Variants in SNN observed in about 807,000 individuals in gnomAD.
SNN encodes the protein AG8_1.
A neutral mutation model predicts 5.3 loss-of-function variants in SNN; 5 were observed. The observed-to-expected ratio is 0.94, with a 90% confidence interval of 0.49 to 1.97. SNN has a LOEUF of 1.97. SNN is among the 30% of genes most tolerant of loss of function. The pLI, the probability that SNN is intolerant of heterozygous loss-of-function variation, is 0.01. For missense variants in SNN, 127 were observed against 121.6 expected, an observed-to-expected ratio of 1.04 and a Z score of -0.21; for synonymous variants, 67 against 52.1, an observed-to-expected ratio of 1.29 and a Z score of -1.24.
In SNN at chr16:11,678,033, G is replaced by C. The variant is rs2050321858; in HGVS notation, c.*1707G>C. 6.0e-6 allele frequency: 1 copy of C among 167,232 alleles called. No homozygotes were observed. Among genetic ancestry groups the C allele is most frequent in the African/African-American group, 2.4e-5 (1 of 41,462 alleles). 10.4% of individuals were successfully genotyped at this position (167,232 alleles called of 1,614,324 possible). On this transcript the variant is annotated 3_prime_UTR_variant, in exon 2 of 2. Transcript: ENST00000329565. ...GACAGCCGGCTGGGCCACCTGAGCA[G>C]AAGGTGGTAATGAAACACCTCAGCT...
intron 1 of SNN, among the ~76,000 whole-genome samples, chr16:11,669,641 T>C (rs1030032291): frequency 1.3e-5 from 2 of 152,196 alleles, no homozygotes; most frequent in Non-Finnish European, 2.9e-5. Flanking sequence ...GTCTGGCACA[T>C]ATAATTGCCA....
rs1264177017 is a variant in SNN at position 11,672,729 on chromosome 16, C to T, written c.-85-3246C>T. Among the ~76,000 whole-genome samples, 1 of 152,142 alleles carries T rather than the reference C, an allele frequency of 6.6e-6. No homozygotes were observed. The highest frequency in any genetic ancestry group is 1.5e-5 in the Non-Finnish European group (1 of 68,020). On this transcript the variant is annotated intron_variant, in intron 1 of 1. Transcript: ENST00000329565. The surrounding 1 kb of genome is among the most constrained non-coding windows in gnomAD (Gnocchi z 6.0). ...GCAGAACCCCACATCTGGCTCTGCC[C>T]ATGCCTCCTGGCCTGGGTTCAGGGC...
chr16:11,676,394 CG>C lies in SNN; in HGVS notation c.*70del. The stretch of plus-strand genomic sequence containing the variant: ...AGGCGCTGGGAGGGGCAAAACCATA[CG>C]GATGCGCTGCTGTCTGAGAGGAAGG... On this transcript the variant is annotated 3_prime_UTR_variant, in exon 2 of 2. Coordinates refer to ENST00000329565, the MANE Select transcript of SNN (RefSeq NM_003498.6). The C allele has an allele frequency of 6.6e-7, 1 of 1,516,414 alleles. No homozygotes were observed. 93.9% of individuals were successfully genotyped at this position (1,516,414 alleles called of 1,614,324 possible).
In SNN at chr16:11,668,878, C is replaced by T. The variant is rs1340618533; in HGVS notation, c.-86+338C>T. The stretch of plus-strand genomic sequence containing the variant: ...CAGCTACGCTCCCGCCTTCCCCCGG[C>T]ATTTCGGGGTTCTTCAAAATTCTGG... On this transcript the variant is annotated intron_variant, in intron 1 of 1. Coordinates refer to ENST00000329565, the MANE Select transcript of SNN (RefSeq NM_003498.6). The surrounding 1 kb of genome is among the most constrained non-coding windows in gnomAD (Gnocchi z 6.8). 2.0e-5 allele frequency among the ~76,000 whole-genome samples: 3 copies of T among 151,826 alleles called. No homozygotes were observed. The highest frequency in any genetic ancestry group is 4.4e-5 in the Non-Finnish European group (3 of 67,944).
rs569259136 is a variant in SNN, at chr16:11,672,084, C to G, written c.-86+3544C>G. On this transcript the variant is annotated intron_variant, in intron 1 of 1. Coordinates refer to ENST00000329565, the MANE Select transcript of SNN (RefSeq NM_003498.6). This position sits in a 1 kb window ranked among gnomAD's most constrained non-coding sequence, Gnocchi z 6.0. Reference sequence around the variant, plus strand: ...GTGCCCTGAGTGTCAGGGACCCCCCCACCTATGATCCCCCTGAGAACAGGG... The same window carrying G: ...GTGCCCTGAGTGTCAGGGACCCCCCGACCTATGATCCCCCTGAGAACAGGG... Among the ~76,000 whole-genome samples the G allele has an allele frequency of 6.6e-6, 1 of 151,932 alleles. No homozygotes were observed. The highest frequency in any genetic ancestry group is 1.5e-5 in the Non-Finnish European group (1 of 67,828).
Position 11,676,150 on chromosome 16 carries a change from G to C in SNN, c.91G>C (p.Gly31Arg). 6.2e-7 allele frequency: 1 copy of C among 1,614,192 alleles called. No individual in the cohort carries two copies. Among genetic ancestry groups the C allele is most frequent in the Non-Finnish European group, 8.5e-7 (1 of 1,180,038 alleles). Reference protein sequence around the residue: ...AIAALGALILGCWCYLRLQRI... With the variant: ...AIAALGALILRCWCYLRLQRI... ...CGCGGCCCTGGGGGCCTTGATCCTGGGCTGCTGGTGCTACCTGCGGCTGCA... is the reference window on the plus strand; with the variant it reads ...CGCGGCCCTGGGGGCCTTGATCCTGCGCTGCTGGTGCTACCTGCGGCTGCA... Residue 31 changes from glycine (G) to arginine (R), a missense_variant, in exon 2 of 2, where the codon GGC (glycine) becomes CGC (arginine). By Grantham distance (125) the Gly-to-Arg change is moderately radical (BLOSUM62 -2). Transcript: ENST00000329565.
chr16:11,676,285 G>T lies in SNN; in HGVS notation c.226G>T (p.Ala76Ser), dbSNP rs753170282. 1.9e-6 allele frequency: 3 copies of T among 1,614,174 alleles called. No individual in the cohort carries two copies. The highest frequency in any genetic ancestry group is 1.3e-5 in the African/African-American group (1 of 75,066). ...SAKGPCVERKAKLMTPNGPEV... is the reference protein window; with the variant it reads ...SAKGPCVERKSKLMTPNGPEV... ...CAAGGGACCGTGCGTGGAGAGAAAG[G>T]CCAAGCTGATGACTCCCAACGGCCC... Residue 76 changes from alanine (A) to serine (S), a missense_variant, in exon 2 of 2, where the codon GCC becomes TCC. Ala to Ser is a moderately conservative substitution (Grantham distance 99, BLOSUM62 1). Coordinates refer to ENST00000329565, the MANE Select transcript of SNN (RefSeq NM_003498.6).
chr16:11,675,243 TTTTC>T (rs1265017799), intron 1 of SNN, among the ~76,000 whole-genome samples: 1 of 150,504 alleles, frequency 6.6e-6, no homozygotes, highest in South Asian at 2.1e-4. Flanking sequence ...TGTCATTTCT[TTTTC>T]TTTTTTTTTT....
At chr16:11,669,064 C>T (rs541652924) in intron 1 of SNN, among the ~76,000 whole-genome samples, 1 of 152,196 alleles carries the variant, frequency 6.6e-6, no homozygotes, top group African/African-American at 2.4e-5. Flanking sequence ...CCGTCCCACA[C>T]CCCGCCTCCG....
chr16:11,673,907 G>A (rs2050281895), intron 1 of SNN, among the ~76,000 whole-genome samples: 1 of 152,242 alleles, frequency 6.6e-6, no homozygotes, highest in Admixed American at 6.5e-5. Flanking sequence ...GTCTCCTGGA[G>A]TCAGGGGGAA....
chr16:11,670,931 CG>C (rs2050262524), intron 1 of SNN, among the ~76,000 whole-genome samples: 1 of 152,148 alleles, frequency 6.6e-6, no homozygotes, highest in African/African-American at 2.4e-5. Context: ...GGTTCACCCC[CG>C]GCTCTGCCCC....
Position 11,672,378 on chromosome 16 carries a change from A to G in SNN, c.-85-3597A>G, listed in dbSNP as rs2050271279. ...TGTGGGAGGAGGGGCGCCTGGGTCC[A>G]GGGTGGTCTGGGAGGGCAGCCTGCA... is the stretch of plus-strand genomic sequence containing the variant. On this transcript the variant is annotated intron_variant, in intron 1 of 1. Coordinates refer to ENST00000329565, the MANE Select transcript of SNN (RefSeq NM_003498.6). This position sits in a 1 kb window ranked among gnomAD's most constrained non-coding sequence, Gnocchi z 6.0. Among the ~76,000 whole-genome samples, 2 of 152,092 alleles carry G rather than the reference A, an allele frequency of 1.3e-5. No individual in the cohort carries two copies. The highest frequency in any genetic ancestry group is 4.1e-4 in the South Asian group (2 of 4,834).
chr16:11,674,443 G>A (rs913975231), intron 1 of SNN, among the ~76,000 whole-genome samples: 2 of 152,244 alleles, frequency 1.3e-5, no homozygotes, highest in African/African-American at 4.8e-5. Context: ...GCTGTGCCTT[G>A]GGTGTCACCT....
intron 1 of SNN, among the ~76,000 whole-genome samples, chr16:11,674,426 C>T (rs2050285578): frequency 6.6e-6 from 1 of 152,230 alleles, no homozygotes; most frequent in Non-Finnish European, 1.5e-5. Context: ...TCAGCATGCT[C>T]TCACTGGCTG....
In SNN at chr16:11,676,512, C is replaced by G. The variant is rs755249521; in HGVS notation, c.*186C>G. On this transcript the variant is annotated 3_prime_UTR_variant, in exon 2 of 2. Transcript: ENST00000329565. ...CTGTCCTGGGCTTCCCCTCGGCCTC[C>G]AGGTGAGGCTGCCCATTGCAGGCAC... 1 of 703,614 alleles carries G rather than the reference C, an allele frequency of 1.4e-6. No homozygotes were observed. The highest frequency in any genetic ancestry group is 2.4e-6 in the Non-Finnish European group (1 of 420,570). The allele number at this position is 703,614 out of a possible 1,614,324, so 43.6% of individuals were successfully genotyped here.
chr16:11,674,379 C>T (rs8191309), intron 1 of SNN, among the ~76,000 whole-genome samples: 1,641 of 152,340 alleles, frequency 0.011, 28 homozygotes, highest in South Asian at 0.084. Flanking sequence ...ACCTGCCAGC[C>T]TCAGCACTGC....
At chr16:11,673,431 A>C (rs2050278608) in intron 1 of SNN, among the ~76,000 whole-genome samples, 1 of 152,142 alleles carries the variant, frequency 6.6e-6, no homozygotes, top group Admixed American at 6.5e-5. Flanking sequence ...GGAGGGAAGG[A>C]GCCCGGCCGG....
chr16:11,676,359 G>T lies in SNN; in HGVS notation c.*33G>T. The stretch of plus-strand genomic sequence containing the variant: ...TGCAAGGCTCCTGGTCCTGTTTGCA[G>T]CCGGCCAAGAGGCGCTGGGAGGGGC... On this transcript the variant is annotated 3_prime_UTR_variant, in exon 2 of 2. Transcript: ENST00000329565. 6.3e-7 allele frequency: 1 copy of T among 1,598,606 alleles called. No homozygotes were observed. Among genetic ancestry groups the T allele is most frequent in the Non-Finnish European group, 8.6e-7 (1 of 1,169,134 alleles).
intron 1 of SNN, among the ~76,000 whole-genome samples, chr16:11,673,647 G>A (rs1400694673): frequency 6.6e-6 from 1 of 152,212 alleles, no homozygotes; most frequent in Non-Finnish European, 1.5e-5. Flanking sequence ...CCCCAGGGTG[G>A]GGACACAGTG....
Sources: allele counts gnomAD v4.1 joint callset (sites outside exome capture counted in the v4.1 genomes callset), GRCh38; gene constraint gnomAD v4.1.1; non-coding constraint Gnocchi (gnomAD v3.1); transcripts MANE v1.5; gene names NCBI Gene and HGNC (gene_info 2026-07-23, HGNC 2026-07-21).